The following RIMBP2 variants were observed in gnomAD, a reference collection of about 807,000 sequenced individuals.
RIMBP2 encodes RIMS binding protein 2.
In RIMBP2, 48 loss-of-function variants were observed where a neutral mutation model predicts 118.6. That is an observed-to-expected ratio of 0.40 (90% CI 0.32 to 0.51). The LOEUF is 0.51. Ranked by LOEUF, RIMBP2 falls within the 20% of genes least tolerant of loss-of-function variation. RIMBP2 has a pLI of 0.41. For synonymous variants in RIMBP2, 762 were observed against 742.9 expected (o/e 1.03, Z -0.42); for missense variants, 1,551 against 1,768.3 (o/e 0.88, Z 2.20).
chr12:130,707,858 A>T (rs1051510073), intron 1 of RIMBP2, among the ~76,000 whole-genome samples: 1 of 152,200 alleles, frequency 6.6e-6, no homozygotes, highest in Admixed American at 6.5e-5. Flanking sequence ...CAACAGCTAG[A>T]TAGAGGCTGG....
intron 1 of RIMBP2, among the ~76,000 whole-genome samples, chr12:130,707,920 G>A (rs748994867): frequency 3.3e-5 from 5 of 152,082 alleles, no homozygotes; most frequent in Non-Finnish European, 5.9e-5. Context: ...TGGGGGGATT[G>A]AGAGAGAGGG....
At chr12:130,677,154 G>T (rs1343097594) in intron 1 of RIMBP2, among the ~76,000 whole-genome samples, 2 of 152,158 alleles carry the variant, frequency 1.3e-5, no homozygotes. Flanking sequence ...GTTGGCATCT[G>T]GTGGGTAGAG....
rs1252956683 is a variant in RIMBP2 at position 130,703,617 on chromosome 12, C to T, written c.-352+12605G>A. Among the ~76,000 whole-genome samples, 3 of 152,174 alleles carry T rather than the reference C, an allele frequency of 2.0e-5. No homozygotes were observed. Among genetic ancestry groups the T allele is most frequent in the African/African-American group, 4.8e-5 (2 of 41,436 alleles). On this transcript the variant is annotated intron_variant, in intron 1 of 22. Transcript: ENST00000690449. This position sits in a 1 kb window ranked among gnomAD's most constrained non-coding sequence, Gnocchi z 5.7. ...TCGGATCCGGGCGCTTTAGCCCTCA[C>T]GTGACTAGGGGCCACCGCCTAACCC...
intron 2 of RIMBP2, among the ~76,000 whole-genome samples, chr12:130,546,097 CTT>C (rs56407634): frequency 9.7e-6 from 1 of 103,536 alleles, no homozygotes; most frequent in African/African-American, 3.7e-5. Flanking sequence ...ATCACTGCTT[CTT>C]TTTTTTTTTT....
rs1328329752 is a variant in RIMBP2, at chr12:130,448,744, G to C, written c.581+1456C>G. 2.6e-5 allele frequency among the ~76,000 whole-genome samples: 4 copies of C among 152,216 alleles called. 1 individual carries two copies. The highest frequency in any genetic ancestry group is 5.9e-5 in the Non-Finnish European group (4 of 68,036). On this transcript the variant is annotated intron_variant, in intron 9 of 22. Transcript: ENST00000690449. ...CGGATGGTGGGCCTGCCCCCACCTGGGTGCAGCCAGCATTCACATCTGCCT... is the reference window on the plus strand; with the variant it reads ...CGGATGGTGGGCCTGCCCCCACCTGCGTGCAGCCAGCATTCACATCTGCCT...
chr12:130,579,659 T>G (rs879907056), intron 2 of RIMBP2, among the ~76,000 whole-genome samples: 17 of 151,332 alleles, frequency 1.1e-4, no homozygotes, highest in Non-Finnish European at 2.2e-4. Flanking sequence ...CCCAGCACAC[T>G]CCCCCATTGA....
At chr12:130,407,931 C>G (rs1565986985) in intron 19 of RIMBP2, 102 bp from the exon 20 acceptor site, 1 of 1,019,100 alleles carries the variant, frequency 9.8e-7, no homozygotes, top group South Asian at 1.3e-5. Flanking sequence ...CAGCCGAGAC[C>G]TGGCACTGCT....
At chr12:130,461,258 C>A (rs1244294331) in intron 6 of RIMBP2, among the ~76,000 whole-genome samples, 1 of 152,146 alleles carries the variant, frequency 6.6e-6, no homozygotes, top group East Asian at 1.9e-4. Flanking sequence ...CCTTACACCT[C>A]GGGGGGTCCC....
intron 2 of RIMBP2, among the ~76,000 whole-genome samples, chr12:130,532,157 G>T (rs1287168229): frequency 1.3e-5 from 2 of 149,604 alleles, no homozygotes; most frequent in Admixed American, 6.7e-5. Flanking sequence ...AATGAGATGC[G>T]TGTGTTTAGC....
At chr12:130,567,197 T>C (rs756038421) in intron 2 of RIMBP2, among the ~76,000 whole-genome samples, 5 of 152,178 alleles carry the variant, frequency 3.3e-5, no homozygotes, top group South Asian at 2.1e-4. Context: ...TTTATAAGTA[T>C]TCACATAATC....
In RIMBP2 at chr12:130,592,818, C is replaced by T. The variant is rs367672068; in HGVS notation, c.-217+35504G>A. Among the ~76,000 whole-genome samples, 12 of 152,284 alleles carry T rather than the reference C, an allele frequency of 7.9e-5. No individual in the cohort carries two copies. In the East Asian group the frequency reaches 1.9e-3, roughly 25 times the overall value. On this transcript the variant is annotated intron_variant, in intron 2 of 22. Coordinates refer to ENST00000690449, the MANE Select transcript of RIMBP2 (RefSeq NM_001393629.1). Reference sequence around the variant, plus strand: ...TCGCCCAGCACGTGGATTTGTTTCCCAGGCAGGGAAATCGGGAGCGGGAGA... The same window carrying T: ...TCGCCCAGCACGTGGATTTGTTTCCTAGGCAGGGAAATCGGGAGCGGGAGA...
At position 130,689,325 on chromosome 12, in the gene RIMBP2, G is replaced by A. The variant is rs543368348; in HGVS notation, c.-352+26897C>T. 3.9e-5 allele frequency among the ~76,000 whole-genome samples: 6 copies of A among 152,224 alleles called. No homozygotes were observed. In the East Asian group the frequency reaches 1.2e-3, roughly 29 times the overall value. ...GTGCGTGCCTGTAATTCCAGCTACT[G>A]GGGAGGCTGAGGCAGGAGAATCGCT... On this transcript the variant is annotated intron_variant, in intron 1 of 22. Coordinates refer to ENST00000690449, the MANE Select transcript of RIMBP2 (RefSeq NM_001393629.1).
chr12:130,570,958 A>G (rs1325507880), intron 2 of RIMBP2, among the ~76,000 whole-genome samples: 1 of 152,242 alleles, frequency 6.6e-6, no homozygotes, highest in Non-Finnish European at 1.5e-5. Flanking sequence ...CGCTGGTGCC[A>G]GGAACACAAA....
Position 130,434,693 on chromosome 12 carries a change from C to T in RIMBP2, c.2253+41G>A, listed in dbSNP as rs781362604. The T allele has an allele frequency of 2.0e-5, 32 of 1,583,572 alleles. No homozygotes were observed. The highest frequency in any genetic ancestry group is 1.1e-4 in the Admixed American group (6 of 56,696). ...CTCCACGGGGCCCGCTCCGAGCCCG[C>T]GCCCACCAGGAGGATGGTGTGGGGC... On this transcript the variant is annotated intron_variant, in intron 14 of 22. Transcript: ENST00000690449. The surrounding 1 kb of genome is among the most constrained non-coding windows in gnomAD (Gnocchi z 5.7).
At chr12:130,628,966 T>C (rs1331618914) in intron 1 of RIMBP2, among the ~76,000 whole-genome samples, 1 of 152,180 alleles carries the variant, frequency 6.6e-6, no homozygotes, top group Admixed American at 6.5e-5. Flanking sequence ...CCAACAAGCA[T>C]GCTACACATA....
intron 2 of RIMBP2, among the ~76,000 whole-genome samples, chr12:130,564,073 CT>C (rs2139943279): frequency 9.4e-6 from 1 of 106,870 alleles, no homozygotes; most frequent in East Asian, 3.1e-4. Context: ...CCCTCTTCCT[CT>C]TCTCCCAGGT....
At chr12:130,414,574 C>CT in intron 17 of RIMBP2, 1 of 306,278 alleles carries the variant, frequency 3.3e-6, no homozygotes, top group Admixed American at 4.7e-5. Flanking sequence ...CCTCAGAGAG[C>CT]ACAGGCTGGG....
intron 1 of RIMBP2, among the ~76,000 whole-genome samples, chr12:130,679,035 T>G (rs765139216): frequency 4.6e-5 from 7 of 152,166 alleles, no homozygotes; most frequent in Non-Finnish European, 8.8e-5. Context: ...CTGGATACTT[T>G]AAAATACTTA....
At chr12:130,645,303 C>A (rs768699752) in intron 1 of RIMBP2, among the ~76,000 whole-genome samples, 2 of 152,188 alleles carry the variant, frequency 1.3e-5, no homozygotes, top group Non-Finnish European at 2.9e-5. Context: ...GCTGGCCAGG[C>A]TGCTCTCTAC....
Sources: gnomAD v4.1 joint callset for allele counts (sites outside exome capture counted in the v4.1 genomes callset) on GRCh38, gnomAD v4.1.1 for gene constraint, Gnocchi (gnomAD v3.1) non-coding constraint, MANE v1.5 for transcripts, NCBI Gene and HGNC (gene_info 2026-07-23, HGNC 2026-07-21) for gene names.